Variants in FANCA observed in about 807,000 individuals in gnomAD.
FANCA encodes the protein Fanconi anemia group A protein.
In FANCA, 236 loss-of-function variants were observed where a neutral mutation model predicts 194.3. The ratio of observed to expected loss-of-function variants is 1.21; its 90% confidence interval spans 1.09 to 1.35. FANCA has a LOEUF of 1.35. Among genes scored for constraint, FANCA ranks in the 40% most tolerant of loss-of-function variants. The pLI is 0.00. For synonymous variants in FANCA, 1,014 were observed against 715.8 expected, an observed-to-expected ratio of 1.42 and a Z score of -6.65; for missense variants, 2,628 against 1,813.9, an observed-to-expected ratio of 1.45 and a Z score of -8.15.
chr16:89,752,060 G>A (rs931482848), intron 31 of FANCA, 78 bp downstream of exon 31: 18 of 1,309,288 alleles, frequency 1.4e-5, no homozygotes, highest in Middle Eastern at 1.9e-4. Flanking sequence ...GTGAGCCACC[G>A]CGCCTGGCAA....
chr16:89,753,769 C>G (rs1264921498), intron 30 of FANCA, among the ~76,000 whole-genome samples: 3 of 152,096 alleles, frequency 2.0e-5, no homozygotes, highest in African/African-American at 4.8e-5. Flanking sequence ...CAACACTGCA[C>G]TGGGGACAGA....
chr16:89,812,208 G>T (rs189564986), intron 3 of FANCA, among the ~76,000 whole-genome samples: 2 of 151,782 alleles, frequency 1.3e-5, no homozygotes, highest in East Asian at 3.9e-4. Context: ...GTTTGGTGAC[G>T]GGAGCCTGTA....
rs1413475663 is a variant in FANCA at position 89,814,605 on chromosome 16, A to T, written c.198T>A (p.Gly66=). 6.2e-7 allele frequency: 1 copy of T among 1,612,590 alleles called. No individual in the cohort carries two copies. Among genetic ancestry groups the T allele is most frequent in the Non-Finnish European group, 8.5e-7 (1 of 1,178,640 alleles). The part of the protein sequence containing the change: ...DLNALLLEVE[G]PLCKKLSLSK... ...TGAGAGACAATTTTTTACACAGTGG[A>T]CCTTCTACCTAGAATCCAAAACACA... Residue 66 remains glycine (G), a synonymous_variant, in exon 3 of 43, where the codon GGT becomes GGA. Coordinates refer to ENST00000389301, the MANE Select transcript of FANCA (RefSeq NM_000135.4).
At chr16:89,751,350 G>C (rs999087864) in intron 31 of FANCA, among the ~76,000 whole-genome samples, 1 of 152,074 alleles carries the variant, frequency 6.6e-6, no homozygotes, top group Non-Finnish European at 1.5e-5. Context: ...AAATCAGCTG[G>C]GTGTGGTGGC....
chr16:89,793,775 G>C (rs1987271), intron 11 of FANCA, among the ~76,000 whole-genome samples: 2 of 151,062 alleles, frequency 1.3e-5, no homozygotes, highest in Non-Finnish European at 3.0e-5. Flanking sequence ...TTTTGATGCT[G>C]AGTCTCACTC....
Position 89,737,844 on chromosome 16 carries a change from T to C in FANCA, c.*757A>G. ...TATCTGTGACGAATGTGGACAAACC[T>C]TCAAGCAGCGGAAGCACCTTCTCGT... On this transcript the variant is annotated 3_prime_UTR_variant, in exon 43 of 43. Coordinates refer to ENST00000389301, the MANE Select transcript of FANCA (RefSeq NM_000135.4). The C allele has an allele frequency of 6.2e-7, 1 of 1,614,202 alleles. No individual in the cohort carries two copies. The highest frequency in any genetic ancestry group is 8.5e-7 in the Non-Finnish European group (1 of 1,180,042).
At chr16:89,752,108 T>C in intron 31 of FANCA, 30 bp downstream of exon 31, 1 of 1,582,158 alleles carries the variant, frequency 6.3e-7, no homozygotes. Flanking sequence ...ATGAAGTGAA[T>C]GCACTGAGTT....
intron 11 of FANCA, 120 bp from the exon 12 acceptor site, chr16:89,792,667 TAGAA>T (rs2040116801): frequency 1.3e-6 from 1 of 784,374 alleles, no homozygotes; most frequent in Non-Finnish European, 2.2e-6. Context: ...CGAGAGAGTG[TAGAA>T]AGAAAGATAC....
chr16:89,816,350 A>G (rs1406206757), intron 1 of FANCA, 187 bp downstream of exon 1: 6 of 315,118 alleles, frequency 1.9e-5, no homozygotes, highest in Non-Finnish European at 3.3e-5. Flanking sequence ...GCGTCCGCCC[A>G]GGCGCAGGAG....
chr16:89,742,754 C>A (rs1283186956), intron 37 of FANCA, 46 bp downstream of exon 37: 2 of 1,596,658 alleles, frequency 1.3e-6, no homozygotes, highest in Admixed American at 3.4e-5. Flanking sequence ...CTGATTGAAA[C>A]CAAGCTTGCG....
At chr16:89,780,121 C>T (rs1489462985) in intron 17 of FANCA, among the ~76,000 whole-genome samples, 164 bp from the exon 18 acceptor site, 5 of 152,152 alleles carry the variant, frequency 3.3e-5, no homozygotes. Flanking sequence ...TGGAGCACTC[C>T]AAAATGTCCC....
Position 89,758,590 on chromosome 16 carries a change from C to A in FANCA, c.2968G>T (p.Asp990Tyr). 1 of 1,613,760 alleles carries A rather than the reference C, an allele frequency of 6.2e-7. No homozygotes were observed. The highest frequency in any genetic ancestry group is 8.5e-7 in the Non-Finnish European group (1 of 1,179,750). The part of the protein sequence containing the change: ...ACTILVNALM[D>Y]FHQSSRSYDH... ...TGTGCTGCTAACCTTTGGTGGAAAT[C>A]CATCAGTGCGTTGACAAGAATGGTA... The change falls in exon 30 of 43, where the codon GAT becomes TAT. Residue 990 changes from aspartate to tyrosine, a missense_variant. Physicochemically the swap from Asp to Tyr is radical, Grantham distance 160. Coordinates refer to ENST00000389301, the MANE Select transcript of FANCA (RefSeq NM_000135.4).
intron 8 of FANCA, 85 bp from the exon 9 acceptor site, chr16:89,799,723 G>A: frequency 2.5e-6 from 3 of 1,204,898 alleles, no homozygotes; most frequent in African/African-American, 1.5e-5. Flanking sequence ...ATTATTACTT[G>A]TTACTCTAAA....
intron 18 of FANCA, 22 bp downstream of exon 18, chr16:89,779,847 C>T (rs766605832): frequency 2.5e-6 from 4 of 1,608,172 alleles, no homozygotes; most frequent in East Asian, 2.2e-5. Flanking sequence ...CTGCTAGAGG[C>T]CTTTTCGGCA....
chr16:89,803,403 G>GTCTGTGCCATT, intron 7 of FANCA, 62 bp from the exon 8 acceptor site: 1 of 1,449,976 alleles, frequency 6.9e-7, no homozygotes, highest in Non-Finnish European at 9.7e-7. Flanking sequence ...ACTGTGAATG[G>GTCTGTGCCATT]CACAGACCAT....
chr16:89,747,351 C>T (rs56215405), intron 33 of FANCA, among the ~76,000 whole-genome samples: 4,293 of 152,280 alleles, frequency 0.028, 218 homozygotes, highest in African/African-American at 0.098. Flanking sequence ...TCAAAGGAGA[C>T]CATAGTGATT....
chr16:89,738,375 T>TGGTGTCCGGCTC lies in FANCA; in HGVS notation c.*214_*225dup. On this transcript the variant is annotated 3_prime_UTR_variant, in exon 43 of 43. Transcript: ENST00000389301. ...CCGCCCTTGGTGCTGGAGGCGGGCT[T>TGGTGTCCGGCTC]GGTGTCCGGCTCAAGTAGCCTTCCT... 1 of 1,429,526 alleles carries TGGTGTCCGGCTC rather than the reference T, an allele frequency of 7.0e-7. No individual in the cohort carries two copies. The allele number at this position is 1,429,526 out of a possible 1,614,324, so 88.6% of individuals were successfully genotyped here.
chr16:89,778,898 G>A (rs111331733), intron 19 of FANCA, 45 bp downstream of exon 19: 1 of 1,613,878 alleles, frequency 6.2e-7, no homozygotes, highest in Non-Finnish European at 8.5e-7. Context: ...GAAAGTCCTT[G>A]CTTTCTACAC....
At chr16:89,771,235 G>C (rs1391349673) in intron 23 of FANCA, among the ~76,000 whole-genome samples, 1 of 151,112 alleles carries the variant, frequency 6.6e-6, no homozygotes, top group East Asian at 1.9e-4. Context: ...GAGGCAGACA[G>C]ATCACTTGAC....
Sources: allele counts gnomAD v4.1 joint callset (sites outside exome capture counted in the v4.1 genomes callset), GRCh38; gene constraint gnomAD v4.1.1; transcripts MANE v1.5; gene names NCBI Gene and HGNC (gene_info 2026-07-23, HGNC 2026-07-21).